KLHDC7B: variants seen among roughly 807,000 people sequenced by gnomAD.
The protein encoded by KLHDC7B is kelch domain containing 7B, also known as kelch domain-containing protein 7B.
KLHDC7B carries 1 observed loss-of-function variant against 0.6 expected under a neutral mutation model. The observed-to-expected ratio is 1.71, with a 90% confidence interval of 0.61 to 8.11. KLHDC7B has a LOEUF of 8.11. Among genes scored for constraint, KLHDC7B ranks in the 30% most tolerant of loss-of-function variants. KLHDC7B has a pLI of 0.13. For missense variants in KLHDC7B, 993 were observed against 894.9 expected (o/e 1.11, Z -1.40); for synonymous variants, 462 against 405.2 (o/e 1.14, Z -1.68).
rs994093828 is a variant in KLHDC7B at position 50,547,407 on chromosome 22, C to T, written c.1164C>T (p.Asp388=). Residue 388 remains aspartate (D), a synonymous_variant, in exon 1 of 1, where the codon GAC becomes GAT. Coordinates refer to ENST00000648057, the MANE Select transcript of KLHDC7B (RefSeq NM_138433.5). ...DSSRDNSPAA[D]LGPTRPPEQA... ...CCCGAGATAACAGTCCTGCCGCTGA[C>T]CTGGGGCCCACCCGGCCCCCGGAGC... Among the ~76,000 whole-genome samples the T allele has an allele frequency of 2.6e-5, 4 of 151,864 alleles. No homozygotes were observed. The highest frequency in any genetic ancestry group is 5.9e-5 in the Non-Finnish European group (4 of 67,906).
chr22:50,548,566 A>C lies in KLHDC7B; in HGVS notation c.2323A>C (p.Ser775Arg). ...SQPVPQLRKR[S>R]RCEIAPSSEQ... The stretch of plus-strand genomic sequence containing the variant: ...GCCGGTACCCCAGCTACGGAAACGC[A>C]GCAGGTGCGAAATCGCCCCGAGCTC... Residue 775 changes from serine (S) to arginine (R), a missense_variant, in exon 1 of 1, where the codon AGC (serine) becomes CGC (arginine). By Grantham distance (110) the Ser-to-Arg change is moderately radical (BLOSUM62 -1). Coordinates refer to ENST00000648057, the MANE Select transcript of KLHDC7B (RefSeq NM_138433.5). The surrounding 1 kb of genome is among the most constrained non-coding windows in gnomAD (Gnocchi z 5.3). The C allele has an allele frequency of 3.9e-6, 6 of 1,548,390 alleles. No individual in the cohort carries two copies. The highest frequency in any genetic ancestry group is 5.2e-6 in the Non-Finnish European group (6 of 1,147,274).
rs1387648794 is a variant in KLHDC7B, at chr22:50,546,906, G to C, written c.663G>C (p.Ser221=). Among the ~76,000 whole-genome samples, 1 of 151,972 alleles carries C rather than the reference G, an allele frequency of 6.6e-6. No individual in the cohort carries two copies. The highest frequency in any genetic ancestry group is 1.5e-5 in the Non-Finnish European group (1 of 67,940). Residue 221 remains serine, a synonymous_variant, in exon 1 of 1, where the codon TCG becomes TCC. Transcript: ENST00000648057. ...TGPWQAGAGP[S]GSMGRGRGRR... ...CCTGGCAGGCGGGCGCGGGGCCCTCGGGCTCGATGGGGAGAGGCCGGGGCC... is the reference window on the plus strand; with the variant it reads ...CCTGGCAGGCGGGCGCGGGGCCCTCCGGCTCGATGGGGAGAGGCCGGGGCC...
Position 50,547,296 on chromosome 22 carries a change from G to A in KLHDC7B, c.1053G>A (p.Glu351=), listed in dbSNP as rs2069740906. The change falls in exon 1 of 1, where the codon GAG becomes GAA. Residue 351 remains glutamate, a synonymous_variant. Transcript: ENST00000648057. The stretch of plus-strand genomic sequence containing the variant: ...CAGACTCCACGCGCCCCTGGCTAGA[G>A]AGTCCGCCTCAAGGTCGCCCACTCT... ...PAPDSTRPWL[E]SPPQGRPLSS... Among the ~76,000 whole-genome samples, 1 of 151,600 alleles carries A rather than the reference G, an allele frequency of 6.6e-6. No homozygotes were observed. Among genetic ancestry groups the A allele is most frequent in the African/African-American group, 2.4e-5 (1 of 41,284 alleles).
At position 50,546,860 on chromosome 22, in the gene KLHDC7B, C is replaced by A. The variant is rs1245313281; in HGVS notation, c.617C>A (p.Ala206Glu). Residue 206 changes from alanine (A) to glutamate (E), a missense_variant, in exon 1 of 1, where the codon GCG (alanine) becomes GAG (glutamate). Ala to Glu is a moderately radical substitution (Grantham distance 107). Coordinates refer to ENST00000648057, the MANE Select transcript of KLHDC7B (RefSeq NM_138433.5). ...RASSRQAAGP[A>E]GQQDTGPWQA... ...TCCTCTCGCCAGGCCGCAGGCCCCG[C>A]GGGGCAACAGGACACTGGCCCCTGG... Among the ~76,000 whole-genome samples the A allele has an allele frequency of 6.6e-6, 1 of 152,024 alleles. No individual in the cohort carries two copies. Among genetic ancestry groups the A allele is most frequent in the African/African-American group, 2.4e-5 (1 of 41,420 alleles).
chr22:50,549,564 C>T lies in KLHDC7B; in HGVS notation c.3321C>T (p.Tyr1107=), dbSNP rs754993061. The T allele has an allele frequency of 2.5e-6, 4 of 1,589,452 alleles. No homozygotes were observed. Among genetic ancestry groups the T allele is most frequent in the East Asian group, 2.2e-5 (1 of 44,498 alleles). The change falls in exon 1 of 1, where the codon TAC becomes TAT. Residue 1107 remains tyrosine (Y), a synonymous_variant. Coordinates refer to ENST00000648057, the MANE Select transcript of KLHDC7B (RefSeq NM_138433.5). ...ACCTCTTCTACCGCCTGCTCAGGTA[C>T]AGCCCCGTGAAGGATGCTTGGGACG... ...GGHLFYRLLR[Y]SPVKDAWDEC...
chr22:50,550,571 C>T lies in KLHDC7B; in HGVS notation c.*620C>T. The T allele has an allele frequency of 6.0e-6, 1 of 166,058 alleles. No individual in the cohort carries two copies. 10.3% of individuals were successfully genotyped at this position (166,058 alleles called of 1,614,324 possible). ...TACCCCCAGCCCACACCAGGCCAGGCCCACTCCGGGCTCACCACCCTCTGC... is the reference window on the plus strand; with the variant it reads ...TACCCCCAGCCCACACCAGGCCAGGTCCACTCCGGGCTCACCACCCTCTGC... On this transcript the variant is annotated 3_prime_UTR_variant, in exon 1 of 1. Coordinates refer to ENST00000648057, the MANE Select transcript of KLHDC7B (RefSeq NM_138433.5).
chr22:50,547,393 A>T lies in KLHDC7B; in HGVS notation c.1150A>T (p.Ser384Cys), dbSNP rs2069742454. Among the ~76,000 whole-genome samples the T allele has an allele frequency of 6.6e-6, 1 of 151,522 alleles. No homozygotes were observed. The highest frequency in any genetic ancestry group is 2.4e-5 in the African/African-American group (1 of 41,220). ...CGGGGCTGACAGCTCCCGAGATAAC[A>T]GTCCTGCCGCTGACCTGGGGCCCAC... ...EAGADSSRDN[S>C]PAADLGPTRP... The change falls in exon 1 of 1, where the codon AGT becomes TGT. Residue 384 changes from serine (S) to cysteine (C), a missense_variant. Ser to Cys is a moderately radical substitution (Grantham distance 112). Coordinates refer to ENST00000648057, the MANE Select transcript of KLHDC7B (RefSeq NM_138433.5).
Position 50,548,570 on chromosome 22 carries a change from G to A in KLHDC7B, c.2327G>A (p.Arg776Lys). ...QPVPQLRKRS[R>K]CEIAPSSEQE... is the part of the protein sequence containing the mutation. The stretch of plus-strand genomic sequence containing the variant: ...GTACCCCAGCTACGGAAACGCAGCA[G>A]GTGCGAAATCGCCCCGAGCTCGGAG... Residue 776 changes from arginine to lysine, a missense_variant, in exon 1 of 1, where the codon AGG becomes AAG. Physicochemically the swap from Arg to Lys is conservative, Grantham distance 26. Coordinates refer to ENST00000648057, the MANE Select transcript of KLHDC7B (RefSeq NM_138433.5). The surrounding 1 kb of genome is among the most constrained non-coding windows in gnomAD (Gnocchi z 5.3). 6.5e-7 allele frequency: 1 copy of A among 1,548,196 alleles called. No individual in the cohort carries two copies. Among genetic ancestry groups the A allele is most frequent in the Non-Finnish European group, 8.7e-7 (1 of 1,147,238 alleles).
rs921821295 is a variant in KLHDC7B, at chr22:50,548,529, G to T, written c.2286G>T (p.Ala762=). ...CTGGCCCCGCGGCCTCCTCCTCTGC[G>T]AGGCGCTCACAGCCGGTACCCCAGC... ...RPPGPAASSS[A]RRSQPVPQLR... Residue 762 remains alanine (A), a synonymous_variant, in exon 1 of 1, where the codon GCG becomes GCT. Coordinates refer to ENST00000648057, the MANE Select transcript of KLHDC7B (RefSeq NM_138433.5). The surrounding 1 kb of genome is among the most constrained non-coding windows in gnomAD (Gnocchi z 5.3). 2 of 1,553,522 alleles carry T rather than the reference G, an allele frequency of 1.3e-6. No homozygotes were observed. The highest frequency in any genetic ancestry group is 1.4e-5 in the African/African-American group (1 of 73,466).
Position 50,548,736 on chromosome 22 carries a change from G to C in KLHDC7B, c.2493G>C (p.Gly831=), listed in dbSNP as rs765910833. ...RKLMVFLQRP[G]GWGVVEGPRK... ...TCATGGTGTTTCTGCAGAGGCCCGGGGGTTGGGGGGTGGTGGAGGGGCCCC... is the reference window on the plus strand; with the variant it reads ...TCATGGTGTTTCTGCAGAGGCCCGGCGGTTGGGGGGTGGTGGAGGGGCCCC... The change falls in exon 1 of 1, where the codon GGG becomes GGC. Residue 831 remains glycine, a synonymous_variant. Transcript: ENST00000648057. The surrounding 1 kb of genome is among the most constrained non-coding windows in gnomAD (Gnocchi z 5.3). 1.9e-5 allele frequency: 28 copies of C among 1,470,904 alleles called. No homozygotes were observed. The highest frequency in any genetic ancestry group is 2.2e-5 in the Non-Finnish European group (25 of 1,115,532). The allele number at this position is 1,470,904 out of a possible 1,614,324, so 91.1% of individuals were successfully genotyped here.
Position 50,548,522 on chromosome 22 carries a change from C to T in KLHDC7B, c.2279C>T (p.Ser760Phe). 2 of 1,554,726 alleles carry T rather than the reference C, an allele frequency of 1.3e-6. No individual in the cohort carries two copies. Among genetic ancestry groups the T allele is most frequent in the South Asian group, 2.4e-5 (2 of 84,622 alleles). ...AQRPPGPAAS[S>F]SARRSQPVPQ... ...AGGCCGCCTGGCCCCGCGGCCTCCTCCTCTGCGAGGCGCTCACAGCCGGTA... is the reference window on the plus strand; with the variant it reads ...AGGCCGCCTGGCCCCGCGGCCTCCTTCTCTGCGAGGCGCTCACAGCCGGTA... Residue 760 changes from serine to phenylalanine, a missense_variant, in exon 1 of 1, where the codon TCC (serine) becomes TTC (phenylalanine). Coordinates refer to ENST00000648057, the MANE Select transcript of KLHDC7B (RefSeq NM_138433.5). This position sits in a 1 kb window ranked among gnomAD's most constrained non-coding sequence, Gnocchi z 5.3.
In KLHDC7B at chr22:50,546,419, C is replaced by T. The variant is rs554713495; in HGVS notation, c.176C>T (p.Ser59Phe). 5.0e-6 allele frequency: 2 copies of T among 399,294 alleles called. No individual in the cohort carries two copies. The highest frequency in any genetic ancestry group is 2.5e-4 in the South Asian group (2 of 7,864). The allele number at this position is 399,294 out of a possible 1,614,324, so 24.7% of individuals were successfully genotyped here. A position where few individuals can be genotyped will look rare whatever the true frequency, so the allele number is the denominator to read the frequency against. ...GATCAAGAGGCGGCAGAACCGGTGT[C>T]CACAGCCCTCGGGGCTCAACCTCAT... ...GHDQEAAEPV[S>F]TALGAQPHQA... is the part of the protein sequence containing the mutation. Residue 59 changes from serine (S) to phenylalanine (F), a missense_variant, in exon 1 of 1, where the codon TCC (serine) becomes TTC (phenylalanine). Physicochemically the swap from Ser to Phe is radical, Grantham distance 155. Coordinates refer to ENST00000648057, the MANE Select transcript of KLHDC7B (RefSeq NM_138433.5).
chr22:50,549,724 AG>A lies in KLHDC7B; in HGVS notation c.1561del (p.Ala521LeufsTer62). On this transcript the variant is annotated frameshift_variant, in exon 1 of 1. Transcript: ENST00000395676. LOFTEE classifies it low-confidence loss of function (END_TRUNC). The stretch of plus-strand genomic sequence containing the variant: ...CAACACAGTGACCGGCTCCTGGAGC[AG>A]GGCTGCCTCCCTGCCCCTGCCCGCC... The A allele has an allele frequency of 1.3e-6, 2 of 1,588,446 alleles. No individual in the cohort carries two copies.
At chr22:50,547,919 CAACT>C, upstream of KLHDC7B, 1 of 333,284 alleles carries the variant, frequency 3.0e-6, no homozygotes, top group Non-Finnish European at 5.2e-6. Flanking sequence ...AGCCCAGCTC[CAACT>C]CCAGCCCTAA....
chr22:50,548,871 G>A lies in KLHDC7B; in HGVS notation c.2628G>A (p.Glu876=). The A allele has an allele frequency of 6.4e-7, 1 of 1,564,344 alleles. No homozygotes were observed. The highest frequency in any genetic ancestry group is 1.4e-5 in the African/African-American group (1 of 73,404). The change falls in exon 1 of 1, where the codon GAG becomes GAA. Residue 876 remains glutamate, a synonymous_variant. Transcript: ENST00000648057. The surrounding 1 kb of genome is among the most constrained non-coding windows in gnomAD (Gnocchi z 5.3). Reference sequence around the variant, plus strand: ...TGGCCTTTGCCCAGCAGCACGGAGAGCCCGGCCTGGCGCAGGAGACCTACG... The same window carrying A: ...TGGCCTTTGCCCAGCAGCACGGAGAACCCGGCCTGGCGCAGGAGACCTACG... ...DVLAFAQQHG[E]PGLAQETYAL...
upstream of KLHDC7B, chr22:50,547,693 C>CT: frequency 2.2e-6 from 1 of 449,488 alleles, no homozygotes; most frequent in Non-Finnish European, 3.9e-6. Context: ...AGCCCCAGCC[C>CT]TGGCTTCATC....
chr22:50,549,445 G>A lies in KLHDC7B; in HGVS notation c.3202G>A (p.Ala1068Thr), dbSNP rs758992809. ...SMECYDPRTD[A>T]WTPRAPLPAG... The stretch of plus-strand genomic sequence containing the variant: ...GGAGTGCTACGACCCGCGAACAGAC[G>A]CCTGGACCCCACGCGCGCCACTCCC... The change falls in exon 1 of 1, where the codon GCC becomes ACC. Residue 1068 changes from alanine (A) to threonine (T), a missense_variant. Physicochemically the swap from Ala to Thr is moderately conservative, Grantham distance 58. Coordinates refer to ENST00000648057, the MANE Select transcript of KLHDC7B (RefSeq NM_138433.5). 12 of 1,612,554 alleles carry A rather than the reference G, an allele frequency of 7.4e-6. No homozygotes were observed. In the Admixed American group the frequency reaches 8.3e-5, roughly 11 times the overall value.
Position 50,550,015 on chromosome 22 carries a change from G to A in KLHDC7B, c.*64G>A. 4.9e-6 allele frequency: 7 copies of A among 1,427,136 alleles called. No individual in the cohort carries two copies. The highest frequency in any genetic ancestry group is 4.6e-6 in the Non-Finnish European group (5 of 1,076,338). The allele number at this position is 1,427,136 out of a possible 1,614,324, so 88.4% of individuals were successfully genotyped here. A position where few individuals can be genotyped will look rare whatever the true frequency, so the allele number is the denominator to read the frequency against. ...AGGGAGACCCTCCTGGGATGGGCCT[G>A]AGAGGCCGGGGCTCAGGGAAGGGGC... On this transcript the variant is annotated 3_prime_UTR_variant, in exon 1 of 1. Coordinates refer to ENST00000648057, the MANE Select transcript of KLHDC7B (RefSeq NM_138433.5).
rs552869507 is a variant in KLHDC7B, at chr22:50,548,385, G to A, written c.2142G>A (p.Ser714=). 4 of 1,552,948 alleles carry A rather than the reference G, an allele frequency of 2.6e-6. No homozygotes were observed. The African/African-American group carries it at 4.1e-5, about 16-fold the overall frequency. Residue 714 remains serine, a synonymous_variant, in exon 1 of 1, where the codon TCG becomes TCA. Coordinates refer to ENST00000648057, the MANE Select transcript of KLHDC7B (RefSeq NM_138433.5). The surrounding 1 kb of genome is among the most constrained non-coding windows in gnomAD (Gnocchi z 5.3). ...PQPRSSETNG[S]PSPDPPPGLR... is the part of the protein sequence containing the mutation. ...CAAGAAGCTCCGAGACCAACGGATC[G>A]CCCAGCCCAGACCCTCCCCCAGGCC...
Sources: allele counts gnomAD v4.1 joint callset (sites outside exome capture counted in the v4.1 genomes callset), GRCh38; gene constraint gnomAD v4.1.1; non-coding constraint Gnocchi (gnomAD v3.1); transcripts MANE v1.5; gene names NCBI Gene and HGNC (gene_info 2026-07-23, HGNC 2026-07-21).